GRM8: variants seen among roughly 807,000 people sequenced by gnomAD.
The protein encoded by GRM8 is metabotropic glutamate receptor 8.
Under a neutral mutation model 87.2 loss-of-function variants are expected in GRM8, and 47 were observed. The observed-to-expected ratio is 0.54, with a 90% CI of 0.43 to 0.69. GRM8 has a LOEUF of 0.69. Among genes scored for constraint, GRM8 ranks in the 30% least tolerant of loss-of-function variants. The probability of loss-of-function intolerance (pLI) is 0.00; values close to 1 mark genes in which losing one functional copy is unlikely to be tolerated. For synonymous variants in GRM8, 396 were observed against 404.5 expected (o/e 0.98, Z 0.25); for missense variants, 1,019 against 1,139.2 (o/e 0.89, Z 1.52).
At chr7:127,207,292 T>G (rs1422732573) in intron 2 of GRM8, among the ~76,000 whole-genome samples, 2 of 152,050 alleles carry the variant, frequency 1.3e-5, no homozygotes. Flanking sequence ...GGACCCTTAT[T>G]CCCAAGTTTT....
At chr7:126,610,005 A>G (rs1189961632) in intron 7 of GRM8, among the ~76,000 whole-genome samples, 1 of 152,196 alleles carries the variant, frequency 6.6e-6, no homozygotes, top group African/African-American at 2.4e-5. Flanking sequence ...GCCCAAGAGT[A>G]TATCAATGTG....
chr7:126,594,956 T>C (rs1797021187), intron 8 of GRM8, among the ~76,000 whole-genome samples: 1 of 152,130 alleles, frequency 6.6e-6, no homozygotes, highest in Non-Finnish European at 1.5e-5. Flanking sequence ...TTCATAACTA[T>C]TTTACAGGTG....
At chr7:126,574,125 A>T (rs896401416) in intron 8 of GRM8, among the ~76,000 whole-genome samples, 2 of 152,242 alleles carry the variant, frequency 1.3e-5, no homozygotes, top group Non-Finnish European at 2.9e-5. Context: ...ACACCATTTT[A>T]AATGACACTG....
At chr7:127,109,326 A>G (rs1305457262) in intron 2 of GRM8, among the ~76,000 whole-genome samples, 10 of 147,578 alleles carry the variant, frequency 6.8e-5, no homozygotes, top group Non-Finnish European at 1.2e-4. Context: ...CCCATCCTTT[A>G]AAAAAAAAAG....
chr7:127,032,643 C>T, intron 3 of GRM8, among the ~76,000 whole-genome samples: 1 of 152,084 alleles, frequency 6.6e-6, no homozygotes, highest in East Asian at 1.9e-4. Context: ...TAGCCCAAAT[C>T]TTTAACTATG....
intron 2 of GRM8, among the ~76,000 whole-genome samples, chr7:127,154,445 T>C (rs982795596): frequency 2.0e-5 from 3 of 152,104 alleles, no homozygotes; most frequent in African/African-American, 7.2e-5. Context: ...CCTTCCATTA[T>C]AAATTCCCAC....
intron 3 of GRM8, among the ~76,000 whole-genome samples, chr7:126,978,129 T>C (rs1198160033): frequency 2.0e-5 from 3 of 151,822 alleles, no homozygotes; most frequent in Non-Finnish European, 4.4e-5. Flanking sequence ...TGGAATATTT[T>C]TGAGTGAATG....
In GRM8 at chr7:127,096,452, C is replaced by T. The variant is rs147012402; in HGVS notation, c.727+10044G>A. ...GCATGCACCTGTAATTCCAGCTACT[C>T]GGGAGACTGAGGTAGGAGAATCGCT... On this transcript the variant is annotated intron_variant, in intron 3 of 10. Coordinates refer to ENST00000339582, the MANE Select transcript of GRM8 (RefSeq NM_000845.3). Among the ~76,000 whole-genome samples, 464 of 151,852 alleles carry T rather than the reference C, an allele frequency of 3.1e-3. 4 individuals carry two copies. The highest frequency in any genetic ancestry group is 4.3e-3 in the Non-Finnish European group (295 of 67,966).
At chr7:126,973,296 C>T (rs1234751930) in intron 3 of GRM8, among the ~76,000 whole-genome samples, 1 of 152,228 alleles carries the variant, frequency 6.6e-6, no homozygotes, top group African/African-American at 2.4e-5. Context: ...CATTGCTTTG[C>T]TGTATAAAAT....
intron 7 of GRM8, among the ~76,000 whole-genome samples, chr7:126,717,851 T>C (rs1811920339): frequency 6.6e-6 from 1 of 152,160 alleles, no homozygotes; most frequent in East Asian, 1.9e-4. Flanking sequence ...TTTAACATCA[T>C]CTAAACTCTT....
At chr7:126,705,677 T>C (rs1258051641) in intron 7 of GRM8, among the ~76,000 whole-genome samples, 1 of 149,252 alleles carries the variant, frequency 6.7e-6, no homozygotes, top group Non-Finnish European at 1.5e-5. Context: ...CAGGTTATCA[T>C]GAATGTGTTA....
chr7:126,918,196 C>T (rs1324569557), intron 3 of GRM8, among the ~76,000 whole-genome samples: 4 of 152,152 alleles, frequency 2.6e-5, no homozygotes, highest in African/African-American at 9.6e-5. Context: ...ATTACGTAGC[C>T]AGAGAAGCAT....
In GRM8 at chr7:126,674,893, A is replaced by G. The variant is rs115134138; in HGVS notation, c.1358-65395T>C. 7.3e-3 allele frequency among the ~76,000 whole-genome samples: 1,119 copies of G among 152,330 alleles called. 21 individuals are homozygous for G. The highest frequency in any genetic ancestry group is 0.025 in the African/African-American group (1,056 of 41,576). On this transcript the variant is annotated intron_variant, in intron 7 of 10. Transcript: ENST00000339582. ...GAGAGCTAAAGTACATAGACATGCC[A>G]TAAATGTAGGAATGGATATGGGCCA... is the stretch of plus-strand genomic sequence containing the variant.
At chr7:126,641,446 C>A (rs1378051975) in intron 7 of GRM8, among the ~76,000 whole-genome samples, 6 of 151,988 alleles carry the variant, frequency 3.9e-5, no homozygotes, top group African/African-American at 7.2e-5. Flanking sequence ...TACTATTAAT[C>A]AAAATAAAGA....
chr7:127,105,823 A>C (rs1825752907), intron 3 of GRM8, among the ~76,000 whole-genome samples: 1 of 152,220 alleles, frequency 6.6e-6, no homozygotes, highest in Admixed American at 6.6e-5. Flanking sequence ...CTGTGTTTTC[A>C]AAGTAGTGGA....
chr7:126,483,372 T>C (rs943419205), intron 9 of GRM8, among the ~76,000 whole-genome samples: 1 of 151,586 alleles, frequency 6.6e-6, no homozygotes, highest in Non-Finnish European at 1.5e-5. Context: ...CATCAGTCAC[T>C]ACAATGTTTA....
chr7:126,773,174 T>C (rs1819043003), intron 6 of GRM8, among the ~76,000 whole-genome samples: 2 of 152,078 alleles, frequency 1.3e-5, no homozygotes, highest in Non-Finnish European at 2.9e-5. Flanking sequence ...TAAACAACTC[T>C]GCTGCAGACA....
rs187191213 is a variant in GRM8 at position 126,752,060 on chromosome 7, C to A, written c.1357+17805G>T. Reference sequence around the variant, plus strand: ...ATCCAATTCAACCTCTTCCTCCTTGCATGGAGTGGGAGGAATTCAATGATG... The same window carrying A: ...ATCCAATTCAACCTCTTCCTCCTTGAATGGAGTGGGAGGAATTCAATGATG... On this transcript the variant is annotated intron_variant, in intron 7 of 10. Coordinates refer to ENST00000339582, the MANE Select transcript of GRM8 (RefSeq NM_000845.3). Among the ~76,000 whole-genome samples, 3 of 152,292 alleles carry A rather than the reference C, an allele frequency of 2.0e-5. No homozygotes were observed. In the East Asian group the frequency reaches 5.8e-4, roughly 29 times the overall value.
chr7:126,557,770 A>G (rs1388165436), intron 8 of GRM8, among the ~76,000 whole-genome samples: 1 of 152,164 alleles, frequency 6.6e-6, no homozygotes, highest in Non-Finnish European at 1.5e-5. Context: ...TATGTGTATG[A>G]CAAAGTACGT....
Sources: allele counts gnomAD v4.1 joint callset (sites outside exome capture counted in the v4.1 genomes callset), GRCh38; gene constraint gnomAD v4.1.1; transcripts MANE v1.5; gene names NCBI Gene and HGNC (gene_info 2026-07-23, HGNC 2026-07-21).